SNTB1: variants seen among roughly 807,000 people sequenced by gnomAD.
SNTB1 encodes the protein beta-1-syntrophin.
A neutral mutation model predicts 48.9 loss-of-function variants in SNTB1; 36 were observed. The observed-to-expected ratio is 0.74, with a 90% CI of 0.56 to 0.97. The LOEUF (loss-of-function observed/expected upper bound fraction) is 0.97. Ranked by LOEUF, SNTB1 falls within the 50% of genes least tolerant of loss-of-function variation. SNTB1 has a pLI of 0.00. For missense variants in SNTB1, 786 were observed against 703.4 expected (o/e 1.12, Z -1.33); for synonymous variants, 299 against 294.6 (o/e 1.01, Z -0.15).
At chr8:120,591,609 C>A (rs2130708172) in intron 3 of SNTB1, among the ~76,000 whole-genome samples, 1 of 152,300 alleles carries the variant, frequency 6.6e-6, no homozygotes, top group African/African-American at 2.4e-5. Flanking sequence ...CAGCTGGTAT[C>A]AACAACTGCC....
chr8:120,571,339 C>A (rs1343352987), intron 4 of SNTB1: 2 of 1,288,128 alleles, frequency 1.6e-6, no homozygotes, highest in Admixed American at 4.6e-5. Flanking sequence ...GTCTCAGAAT[C>A]TGAAGATAAT....
At chr8:120,552,641 C>A (rs1199423779) in intron 4 of SNTB1, among the ~76,000 whole-genome samples, 1 of 152,132 alleles carries the variant, frequency 6.6e-6, no homozygotes, top group Non-Finnish European at 1.5e-5. Context: ...CTGCACCCGG[C>A]CAAAGGAAGC....
intron 3 of SNTB1, among the ~76,000 whole-genome samples, chr8:120,592,594 C>T (rs79143246): frequency 0.033 from 5,014 of 151,976 alleles, 274 homozygotes; most frequent in African/African-American, 0.11. Flanking sequence ...ATGCTATGTG[C>T]CAGACACTGT....
intron 2 of SNTB1, among the ~76,000 whole-genome samples, chr8:120,651,976 T>C (rs1433051478): frequency 6.6e-6 from 1 of 152,126 alleles, no homozygotes; most frequent in African/African-American, 2.4e-5. Flanking sequence ...TGAGTTCAAT[T>C]AGGAGGGAAA....
chr8:120,579,723 A>G (rs1816013158), intron 3 of SNTB1, among the ~76,000 whole-genome samples: 1 of 152,082 alleles, frequency 6.6e-6, no homozygotes, highest in African/African-American at 2.4e-5. Flanking sequence ...AAAAACCTAG[A>G]ATCTTCACAT....
chr8:120,744,671 G>T (rs1819097026), intron 1 of SNTB1, among the ~76,000 whole-genome samples: 2 of 152,150 alleles, frequency 1.3e-5, no homozygotes, highest in Middle Eastern at 6.8e-3. Flanking sequence ...AGGAAACTTT[G>T]AATAGATACT....
chr8:120,691,479 G>T (rs1294956037), intron 2 of SNTB1, among the ~76,000 whole-genome samples: 6 of 152,182 alleles, frequency 3.9e-5, no homozygotes, highest in Admixed American at 3.9e-4. Flanking sequence ...ACTAAGCAGG[G>T]TTACAAATTC....
intron 1 of SNTB1, among the ~76,000 whole-genome samples, chr8:120,807,648 C>T (rs2130192764): frequency 6.6e-6 from 1 of 152,294 alleles, no homozygotes; most frequent in Non-Finnish European, 1.5e-5. Context: ...ACATTTAGTG[C>T]ATTAGGTTTT....
chr8:120,609,212 C>T (rs1004991176), intron 3 of SNTB1, among the ~76,000 whole-genome samples: 21 of 152,214 alleles, frequency 1.4e-4, no homozygotes, highest in African/African-American at 4.8e-4. Context: ...AAATCTAGTT[C>T]CAGGCAAGAA....
At chr8:120,662,623 C>T (rs1057022517) in intron 2 of SNTB1, among the ~76,000 whole-genome samples, 4 of 152,094 alleles carry the variant, frequency 2.6e-5, no homozygotes, top group African/African-American at 9.7e-5. Context: ...TTCTGAGCTC[C>T]TAGGTGGTCA....
chr8:120,629,788 C>G (rs1252461337), intron 3 of SNTB1, among the ~76,000 whole-genome samples: 1 of 152,188 alleles, frequency 6.6e-6, no homozygotes, highest in Non-Finnish European at 1.5e-5. Flanking sequence ...ATTGCTCTTA[C>G]AGATTCTCTG....
intron 2 of SNTB1, among the ~76,000 whole-genome samples, chr8:120,672,161 C>T (rs529665402): frequency 2.0e-5 from 3 of 152,286 alleles, no homozygotes; most frequent in East Asian, 3.9e-4. Flanking sequence ...ATGTTTAATA[C>T]AGGCTAAGCT....
intron 1 of SNTB1, among the ~76,000 whole-genome samples, chr8:120,718,070 C>T (rs1182609944): frequency 6.6e-6 from 1 of 152,192 alleles, no homozygotes; most frequent in African/African-American, 2.4e-5. Flanking sequence ...GGAGAGTCCT[C>T]CAGGCCAAGG....
intron 3 of SNTB1, among the ~76,000 whole-genome samples, chr8:120,620,512 T>G (rs1306576031): frequency 3.3e-5 from 5 of 152,070 alleles, no homozygotes; most frequent in Non-Finnish European, 7.4e-5. Context: ...CTCCCACATA[T>G]TCATTCGATA....
At chr8:120,687,766 A>G (rs572288645) in intron 2 of SNTB1, among the ~76,000 whole-genome samples, 8 of 152,212 alleles carry the variant, frequency 5.3e-5, no homozygotes, top group Non-Finnish European at 1.0e-4. Context: ...CCTGCTCACA[A>G]TGAGAGGGTA....
chr8:120,786,945 G>GA (rs970476607), intron 1 of SNTB1, among the ~76,000 whole-genome samples: 9 of 152,110 alleles, frequency 5.9e-5, no homozygotes, highest in Non-Finnish European at 8.8e-5. Context: ...AAGTACTAGG[G>GA]AAAAAACGTT....
intron 3 of SNTB1, among the ~76,000 whole-genome samples, chr8:120,581,088 CAAAAAA>C (rs775547135): frequency 0.3 from 26,989 of 89,962 alleles, 2,491 homozygotes; most frequent in Middle Eastern, 0.4. Flanking sequence ...GACCCTGTCT[CAAAAAA>C]AAAAAAAAAA....
At chr8:120,619,840 G>C (rs1816766028) in intron 3 of SNTB1, among the ~76,000 whole-genome samples, 1 of 152,158 alleles carries the variant, frequency 6.6e-6, no homozygotes, top group African/African-American at 2.4e-5. Context: ...TGGCTCTGCT[G>C]TCCTACCCTT....
At chr8:120,696,492 T>C (rs1818212853) in intron 1 of SNTB1, among the ~76,000 whole-genome samples, 1 of 152,236 alleles carries the variant, frequency 6.6e-6, no homozygotes, top group South Asian at 2.1e-4. Flanking sequence ...TTTACATATC[T>C]ACCCACATTA....
Sources: gnomAD v4.1 joint callset for allele counts (sites outside exome capture counted in the v4.1 genomes callset) on GRCh38, gnomAD v4.1.1 for gene constraint, MANE v1.5 for transcripts, NCBI Gene and HGNC (gene_info 2026-07-23, HGNC 2026-07-21) for gene names.